The following LRRC74A variants were observed in gnomAD, a reference collection of about 807,000 sequenced individuals.
The protein encoded by LRRC74A is leucine-rich repeat-containing protein 74A.
LRRC74A carries 44 observed loss-of-function variants against 57.9 expected under a neutral mutation model. The ratio of observed to expected loss-of-function variants is 0.76; its 90% CI spans 0.60 to 0.98. LRRC74A has a LOEUF of 0.98. LRRC74A is among the 50% of genes least tolerant of loss of function. The pLI, the probability that LRRC74A is intolerant of heterozygous loss-of-function variation, is 0.00. For missense variants in LRRC74A, 572 were observed against 574.0 expected, an observed-to-expected ratio of 1.00 and a Z score of 0.04; for synonymous variants, 211 against 219.4, an observed-to-expected ratio of 0.96 and a Z score of 0.34.
At chr14:76,847,685 A>T (rs575267064) in intron 7 of LRRC74A, among the ~76,000 whole-genome samples, 1 of 147,802 alleles carries the variant, frequency 6.8e-6, no homozygotes, top group East Asian at 1.9e-4. Context: ...TGAACTTAAA[A>T]TTTAAAAAAA....
chr14:76,859,340 G>A (rs1392972036), intron 10 of LRRC74A, among the ~76,000 whole-genome samples: 6 of 152,060 alleles, frequency 3.9e-5, no homozygotes, highest in South Asian at 2.1e-4. Flanking sequence ...TTCGAGACCA[G>A]CCTGACCAAC....
In LRRC74A at chr14:76,837,889, T is replaced by TC. The variant is rs1700069946; in HGVS notation, c.463dup (p.His155ProfsTer15). The TC allele has an allele frequency of 1.3e-6, 2 of 1,588,068 alleles. No individual in the cohort carries two copies. The highest frequency in any genetic ancestry group is 2.3e-5 in the South Asian group (2 of 87,230). ...TTGCCTTTTAGAATATTTCCAACAATCACCTTGGTTTGGAGGGGGCCAGAA... is the reference window on the plus strand; with the variant it reads ...TTGCCTTTTAGAATATTTCCAACAATCCACCTTGGTTTGGAGGGGGCCAGAA... On this transcript the variant is annotated frameshift_variant, in exon 5 of 14. Transcript: ENST00000689127. LOFTEE classifies it high-confidence loss of function.
At chr14:76,867,146 T>TGGGGG (rs1898947360) in intron 12 of LRRC74A, among the ~76,000 whole-genome samples, 1 of 3,274 alleles carries the variant, frequency 3.1e-4, no homozygotes, top group Non-Finnish European at 5.4e-4. Context: ...TGTGGGGGGG[T>TGGGGG]GTGTGTGTTG....
At chr14:76,840,464 A>ATAAT (rs1305728789) in intron 5 of LRRC74A, among the ~76,000 whole-genome samples, 1 of 152,182 alleles carries the variant, frequency 6.6e-6, no homozygotes, top group Non-Finnish European at 1.5e-5. Context: ...CATCAATGTA[A>ATAAT]TAATTGATCC....
chr14:76,829,970 G>A (rs543513343), intron 2 of LRRC74A, among the ~76,000 whole-genome samples: 124 of 152,256 alleles, frequency 8.1e-4, no homozygotes, highest in African/African-American at 2.9e-3. Context: ...TTGCACCAAG[G>A]GGACATTGGG....
chr14:76,837,740 A>C (rs1896459298), intron 4 of LRRC74A, 135 bp from the exon 5 acceptor site: 2 of 499,798 alleles, frequency 4.0e-6, no homozygotes, highest in East Asian at 6.6e-5. Flanking sequence ...GCACCTCCCT[A>C]ATCCTCCTAA....
intron 11 of LRRC74A, 62 bp from the exon 12 acceptor site, chr14:76,865,906 G>C: frequency 1.6e-6 from 2 of 1,281,534 alleles, no homozygotes; most frequent in Non-Finnish European, 2.2e-6. Flanking sequence ...GGAGGGAAGG[G>C]GGACCTGCGA....
intron 5 of LRRC74A, among the ~76,000 whole-genome samples, chr14:76,839,681 A>G (rs1896615780): frequency 6.6e-6 from 1 of 152,144 alleles, no homozygotes; most frequent in Non-Finnish European, 1.5e-5. Context: ...TGAAATGTCA[A>G]TTGTTGTATG....
chr14:76,844,278 C>A, intron 5 of LRRC74A, 145 bp from the exon 6 acceptor site: 1 of 719,912 alleles, frequency 1.4e-6, no homozygotes, highest in Non-Finnish European at 2.4e-6. Flanking sequence ...GCTGGGATTA[C>A]AGGCGTAAGC....
At chr14:76,855,745 G>A (rs1306909058) in intron 9 of LRRC74A, among the ~76,000 whole-genome samples, 3 of 152,206 alleles carry the variant, frequency 2.0e-5, no homozygotes, top group South Asian at 4.1e-4. Flanking sequence ...AGCCTGGGAC[G>A]CAGCTGACAT....
chr14:76,834,446 A>T (rs1038907249), intron 3 of LRRC74A, among the ~76,000 whole-genome samples: 1 of 152,154 alleles, frequency 6.6e-6, no homozygotes, highest in Admixed American at 6.5e-5. Context: ...ATTCTGGTAG[A>T]CTGAACTTCT....
At chr14:76,830,909 C>A (rs1895926493) in intron 2 of LRRC74A, among the ~76,000 whole-genome samples, 1 of 152,236 alleles carries the variant, frequency 6.6e-6, no homozygotes, top group East Asian at 1.9e-4. Context: ...TGTGGCCAAC[C>A]TGGGCAGGTG....
intron 4 of LRRC74A, 45 bp from the exon 5 acceptor site, chr14:76,837,829 CT>C (rs1233058985): frequency 8.4e-7 from 1 of 1,194,858 alleles, no homozygotes; most frequent in African/African-American, 1.5e-5. Flanking sequence ...CATGAGGGCC[CT>C]TTGGTGAGCT....
intron 11 of LRRC74A, among the ~76,000 whole-genome samples, chr14:76,864,417 G>T (rs1305970317): frequency 7.0e-5 from 9 of 128,054 alleles, no homozygotes; most frequent in Admixed American, 7.8e-5. Flanking sequence ...GGAAGGGGGG[G>T]GGGGGGTGGC....
chr14:76,853,459 G>GTGTGTT, intron 9 of LRRC74A, 49 bp downstream of exon 9: 1 of 1,434,830 alleles, frequency 7.0e-7, no homozygotes, highest in Non-Finnish European at 9.5e-7. Flanking sequence ...GTGTGTGTGT[G>GTGTGTT]TGTTTGTGTA....
In LRRC74A at chr14:76,826,533, G is replaced by A. The variant is rs761372919; in HGVS notation, c.-165G>A. ...TTCCCATCAAAGCCTACTCTTCCCA[G>A]GGCTTGCTGGGAGGGAAGGATAACT... On this transcript the variant is annotated 5_prime_UTR_variant, in exon 1 of 14. Coordinates refer to ENST00000689127, the MANE Select transcript of LRRC74A (RefSeq NM_001385106.1). The A allele has an allele frequency of 2.5e-6, 4 of 1,610,096 alleles. No individual in the cohort carries two copies. The highest frequency in any genetic ancestry group is 3.4e-6 in the Non-Finnish European group (4 of 1,178,438).
At chr14:76,857,300 T>C in intron 9 of LRRC74A, 80 bp from the exon 10 acceptor site, 3 of 813,688 alleles carry the variant, frequency 3.7e-6, no homozygotes, top group South Asian at 2.9e-5. Flanking sequence ...GGTTGTGATT[T>C]GATGAGATGT....
chr14:76,843,780 C>G (rs1373033763), intron 5 of LRRC74A, among the ~76,000 whole-genome samples: 1 of 151,962 alleles, frequency 6.6e-6, no homozygotes, highest in Non-Finnish European at 1.5e-5. Flanking sequence ...TCTCAGCTCA[C>G]TGCAATCTCC....
intron 13 of LRRC74A, among the ~76,000 whole-genome samples, chr14:76,869,118 C>A (rs1296199361): frequency 1.2e-5 from 1 of 81,152 alleles, no homozygotes; most frequent in Non-Finnish European, 2.6e-5. Context: ...TGCCTCCTCA[C>A]CTGCCCCGTG....
Sources: gnomAD v4.1 joint callset for allele counts (sites outside exome capture counted in the v4.1 genomes callset) on GRCh38, gnomAD v4.1.1 for gene constraint, MANE v1.5 for transcripts, NCBI Gene and HGNC (gene_info 2026-07-23, HGNC 2026-07-21) for gene names.